LIMCH1: variants seen among roughly 807,000 people sequenced by gnomAD.
The protein encoded by LIMCH1 is LIM and calponin homology domains 1.
LIMCH1 carries 113 observed loss-of-function variants against 176.5 expected under a neutral mutation model. The ratio of observed to expected loss-of-function variants is 0.64; its 90% CI spans 0.55 to 0.75. The LOEUF (loss-of-function observed/expected upper bound fraction) is 0.75. Among genes scored for constraint, LIMCH1 ranks in the 30% least tolerant of loss-of-function variants. The pLI, the probability that LIMCH1 is intolerant of heterozygous loss-of-function variation, is 0.00. For synonymous variants in LIMCH1, 619 were observed against 645.9 expected, an observed-to-expected ratio of 0.96 and a Z score of 0.63; for missense variants, 1,674 against 1,814.9, an observed-to-expected ratio of 0.92 and a Z score of 1.41.
chr4:41,641,491 A>G (rs28459824), intron 14 of LIMCH1, among the ~76,000 whole-genome samples: 64,652 of 151,770 alleles, frequency 0.43, 14,004 homozygotes, highest in South Asian at 0.46. Flanking sequence ...AAAAAAAATC[A>G]TACAGGTTGA....
chr4:41,486,093 G>C (rs1437293940), intron 1 of LIMCH1, among the ~76,000 whole-genome samples: 1 of 152,206 alleles, frequency 6.6e-6, no homozygotes, highest in Non-Finnish European at 1.5e-5. Context: ...AGGATCAAGA[G>C]GATGAGAGAG....
chr4:41,561,983 C>G (rs537456544), intron 1 of LIMCH1, among the ~76,000 whole-genome samples: 1 of 152,286 alleles, frequency 6.6e-6, no homozygotes, highest in East Asian at 1.9e-4. Context: ...TTCTGCACGT[C>G]TCACCCTCTT....
chr4:41,643,001 C>T (rs970761196), intron 14 of LIMCH1, among the ~76,000 whole-genome samples: 1 of 152,230 alleles, frequency 6.6e-6, no homozygotes, highest in African/African-American at 2.4e-5. Context: ...AAGAGTCCTT[C>T]TGTGCAGCCA....
intron 21 of LIMCH1, among the ~76,000 whole-genome samples, chr4:41,668,808 A>G (rs1018034329): frequency 1.3e-5 from 2 of 152,334 alleles, no homozygotes; most frequent in African/African-American, 2.4e-5. Context: ...CCTCACAGTC[A>G]TGGTGGAAGA....
intron 1 of LIMCH1, among the ~76,000 whole-genome samples, chr4:41,407,192 T>C (rs999772769): frequency 8.6e-5 from 13 of 151,700 alleles, no homozygotes; most frequent in Non-Finnish European, 1.9e-4. Context: ...AAAAAAAAAA[T>C]CCTTTGAAAG....
chr4:41,637,149 C>G (rs1047880156), intron 13 of LIMCH1, among the ~76,000 whole-genome samples: 2 of 151,546 alleles, frequency 1.3e-5, no homozygotes, highest in Admixed American at 6.6e-5. Flanking sequence ...CTTACCTAGT[C>G]TTCAGAATTA....
chr4:41,440,930 A>T (rs907442960), intron 1 of LIMCH1, among the ~76,000 whole-genome samples: 8 of 152,194 alleles, frequency 5.3e-5, no homozygotes, highest in Admixed American at 3.3e-4. Flanking sequence ...AATGATACTG[A>T]ATATGAATAT....
chr4:41,475,450 T>A lies in LIMCH1; in HGVS notation c.97-19086T>A, dbSNP rs550504355. On this transcript the variant is annotated intron_variant, in intron 1 of 26. Coordinates refer to the LIMCH1 transcript ENST00000313860. ...ATGACTGGGGAGAAGGGATTGTGTCTGTTTCTTCCCCACTTTGCATTCAGT... is the reference window on the plus strand; with the variant it reads ...ATGACTGGGGAGAAGGGATTGTGTCAGTTTCTTCCCCACTTTGCATTCAGT... Among the ~76,000 whole-genome samples, 35 of 152,340 alleles carry A rather than the reference T, an allele frequency of 2.3e-4. 1 individual carries two copies. The South Asian group carries it at 6.8e-3, about 30-fold the overall frequency.
intron 25 of LIMCH1, among the ~76,000 whole-genome samples, chr4:41,681,669 C>A (rs568031726): frequency 6.6e-6 from 1 of 152,102 alleles, no homozygotes; most frequent in African/African-American, 2.4e-5. Context: ...AAGACCCTAT[C>A]TCTAAAGGAA....
intron 1 of LIMCH1, among the ~76,000 whole-genome samples, chr4:41,390,242 GAGA>G: frequency 8.3e-6 from 1 of 120,532 alleles, no homozygotes; most frequent in African/African-American, 4.6e-5. Context: ...CTCTCAGGGA[GAGA>G]GAGAGAGAGA....
chr4:41,481,716 G>A (rs544167912), intron 1 of LIMCH1, among the ~76,000 whole-genome samples: 42 of 152,236 alleles, frequency 2.8e-4, no homozygotes, highest in African/African-American at 9.1e-4. Context: ...TTGGTGGTTT[G>A]AATGTATCTC....
intron 3 of LIMCH1, among the ~76,000 whole-genome samples, chr4:41,525,285 G>A (rs2076525191): frequency 6.6e-6 from 1 of 152,176 alleles, no homozygotes; most frequent in Admixed American, 6.5e-5. Context: ...TATGTAGCTC[G>A]GTAATGACTC....
At chr4:41,618,905 T>C (rs958101166) in intron 5 of LIMCH1, among the ~76,000 whole-genome samples, 6 of 152,214 alleles carry the variant, frequency 3.9e-5, no homozygotes, top group African/African-American at 1.4e-4. Context: ...TAAAATCCTA[T>C]TGCAGATGTG....
rs35690244 is a variant in LIMCH1 at position 41,621,504 on chromosome 4, A to AT, written c.725+829dup. Among the ~76,000 whole-genome samples the AT allele has an allele frequency of 7.0e-3, 1,013 of 144,308 alleles. 11 individuals carry two copies. The highest frequency in any genetic ancestry group is 0.023 in the African/African-American group (909 of 39,524). The allele number at this position is 144,308 out of a possible 152,430, so 94.7% of individuals were successfully genotyped here. A position where few individuals can be genotyped will look rare whatever the true frequency, so the allele number is the denominator to read the frequency against. ...CCTTTGCCACTTGCTGTTCCATTTA[A>AT]TTTTTTTTTTTTTTTGAGATAGAGT... On this transcript the variant is annotated intron_variant, in intron 7 of 31. Transcript: ENST00000503057.
At chr4:41,402,475 G>C (rs62411089) in intron 1 of LIMCH1, among the ~76,000 whole-genome samples, 30 of 140,274 alleles carry the variant, frequency 2.1e-4, no homozygotes, top group South Asian at 4.9e-4. Flanking sequence ...CCCATTACTG[G>C]GTATATACCC....
chr4:41,444,396 A>G (rs191225481), intron 1 of LIMCH1, among the ~76,000 whole-genome samples: 5 of 151,822 alleles, frequency 3.3e-5, no homozygotes, highest in African/African-American at 1.2e-4. Context: ...TTAATGTTTC[A>G]TTGAGAAGGT....
chr4:41,367,760 G>A (rs542273496), intron 1 of LIMCH1, among the ~76,000 whole-genome samples: 13 of 150,052 alleles, frequency 8.7e-5, no homozygotes, highest in South Asian at 2.1e-4. Context: ...CCAGCTACTC[G>A]GAACGCTGAA....
At chr4:41,421,462 C>G (rs2060600278) in intron 1 of LIMCH1, among the ~76,000 whole-genome samples, 1 of 152,110 alleles carries the variant, frequency 6.6e-6, no homozygotes, top group African/African-American at 2.4e-5. Flanking sequence ...GATTTTAAAA[C>G]ATAAACTCAG....
chr4:41,491,870 C>A (rs1399757776), intron 1 of LIMCH1, among the ~76,000 whole-genome samples: 1 of 150,212 alleles, frequency 6.7e-6, no homozygotes, highest in African/African-American at 2.5e-5. Flanking sequence ...GCGCTCCTCA[C>A]TTCCTCCCAG....
Sources: allele counts gnomAD v4.1 joint callset (sites outside exome capture counted in the v4.1 genomes callset), GRCh38; gene constraint gnomAD v4.1.1; transcripts MANE v1.5; gene names NCBI Gene and HGNC (gene_info 2026-07-23, HGNC 2026-07-21).